Variants in SMPDL3A observed in about 807,000 individuals in gnomAD.
SMPDL3A encodes sphingomyelin phosphodiesterase acid like 3A.
SMPDL3A carries 39 observed loss-of-function variants against 38.5 expected under a neutral mutation model. The ratio of observed to expected loss-of-function variants is 1.01; its 90% CI spans 0.78 to 1.32. The LOEUF is 1.32. Ranked by LOEUF, SMPDL3A falls within the 40% of genes most tolerant of loss-of-function variation. The probability of loss-of-function intolerance (pLI) is 0.00; values close to 1 mark genes in which losing one functional copy is unlikely to be tolerated. For synonymous variants in SMPDL3A, 180 were observed against 194.3 expected (o/e 0.93, Z 0.61); for missense variants, 502 against 536.2 (o/e 0.94, Z 0.63).
Position 122,803,701 on chromosome 6 carries a change from C to T in SMPDL3A, c.606C>T (p.Asn202=), listed in dbSNP as rs753819668. The change falls in exon 5 of 8, where the codon AAC becomes AAT. Residue 202 remains asparagine, a synonymous_variant. Transcript: ENST00000368440. The stretch of plus-strand genomic sequence containing the variant: ...CACAGAAAGTTACAACTAATCCAAA[C>T]CTTAGGATCATCAGTCTAAACACAA... ...FYSQKVTTNP[N]LRIISLNTNL... is the part of the protein sequence containing the mutation. 6 of 1,613,584 alleles carry T rather than the reference C, an allele frequency of 3.7e-6. No homozygotes were observed. The highest frequency in any genetic ancestry group is 4.2e-6 in the Non-Finnish European group (5 of 1,179,778).
chr6:122,795,526 A>G lies in SMPDL3A; in HGVS notation c.113-151A>G, dbSNP rs1186072363. 4.8e-6 allele frequency: 3 copies of G among 623,684 alleles called. No homozygotes were observed. In the African/African-American group the frequency reaches 5.5e-5, roughly 12 times the overall value. The allele number at this position is 623,684 out of a possible 1,614,324, so 38.6% of individuals were successfully genotyped here. A position where few individuals can be genotyped will look rare whatever the true frequency, so the allele number is the denominator to read the frequency against. ...TCATCTTCTCACAGAGAAGGACTGT[A>G]TTTAACTTCGAGGCTTATGAACATT... On this transcript the variant is annotated intron_variant, in intron 1 of 7. Transcript: ENST00000368440.
chr6:122,793,477 T>G (rs1340878268), intron 1 of SMPDL3A, among the ~76,000 whole-genome samples: 2 of 152,236 alleles, frequency 1.3e-5, no homozygotes, highest in Non-Finnish European at 2.9e-5. Context: ...TACAAATACA[T>G]GTTCACGTTA....
intron 1 of SMPDL3A, among the ~76,000 whole-genome samples, chr6:122,791,597 A>G (rs764919778): frequency 9.9e-5 from 15 of 152,214 alleles, no homozygotes; most frequent in Non-Finnish European, 1.3e-4. Flanking sequence ...AATATTTTGG[A>G]TTAAAAGATT....
chr6:122,793,432 T>C (rs1371421709), intron 1 of SMPDL3A, among the ~76,000 whole-genome samples: 1 of 152,210 alleles, frequency 6.6e-6, no homozygotes, highest in Non-Finnish European at 1.5e-5. Context: ...TATTGTTTCA[T>C]GTTCATTTAC....
At chr6:122,805,183 T>C in intron 6 of SMPDL3A, 94 bp downstream of exon 6, 1 of 1,099,872 alleles carries the variant, frequency 9.1e-7, no homozygotes, top group Non-Finnish European at 1.3e-6. Context: ...AAATTAAACG[T>C]TTTATTTAAA....
rs1781055554 is a variant in SMPDL3A, at chr6:122,790,892, C to A, written c.112+1434C>A. ...TTCACACCTCCTGTTTGGGAAACTGCAAGGTTGAATCCCCTCCTACTAAAG... is the reference window on the plus strand; with the variant it reads ...TTCACACCTCCTGTTTGGGAAACTGAAAGGTTGAATCCCCTCCTACTAAAG... On this transcript the variant is annotated intron_variant, in intron 1 of 7. Transcript: ENST00000368440. 2.0e-5 allele frequency among the ~76,000 whole-genome samples: 3 copies of A among 152,228 alleles called. No individual in the cohort carries two copies. In the South Asian group the frequency reaches 6.2e-4, roughly 32 times the overall value.
rs780920668 is a variant in SMPDL3A at position 122,806,321 on chromosome 6, A to T, written c.1008A>T (p.Arg336Ser). The T allele has an allele frequency of 2.5e-5, 40 of 1,613,320 alleles. No individual in the cohort carries two copies. Among genetic ancestry groups the T allele is most frequent in the Non-Finnish European group, 3.2e-5 (38 of 1,179,594 alleles). Reference protein sequence around the residue: ...LEKQTNNPGIRLFQYDPRDYK... With the variant: ...LEKQTNNPGISLFQYDPRDYK... ...AACAGACCAACAATCCTGGTATCAG[A>T]CTGTTTCAGTATGATCCTCGTGATT... The change falls in exon 7 of 8, where the codon AGA becomes AGT. Residue 336 changes from arginine (R) to serine (S), a missense_variant. Transcript: ENST00000368440.
chr6:122,802,195 C>CTTTT (rs3031702), intron 4 of SMPDL3A, among the ~76,000 whole-genome samples: 10 of 123,560 alleles, frequency 8.1e-5, no homozygotes, highest in Non-Finnish European at 1.0e-4. Context: ...TATATCTAGT[C>CTTTT]TTTTTTTTTT....
chr6:122,808,645 CCCCTCCTCCCCCCTCCCTCCCT>C (rs1235105979), intron 7 of SMPDL3A, among the ~76,000 whole-genome samples: 2 of 49,066 alleles, frequency 4.1e-5, no homozygotes, highest in Non-Finnish European at 7.8e-5. Flanking sequence ...CTTCCTTCCC[CCCCTCCTCCCCCCTCCCTCCCT>C]CTCCTTCTTT....
In SMPDL3A at chr6:122,803,747, A is replaced by G. The variant is rs774745557; in HGVS notation, c.652A>G (p.Ile218Val). 2.5e-5 allele frequency: 40 copies of G among 1,614,034 alleles called. 1 individual carries two copies. The South Asian group carries it at 4.3e-4, about 17-fold the overall frequency. Residue 218 changes from isoleucine (I) to valine (V), a missense_variant, in exon 5 of 8, where the codon ATA becomes GTA. By Grantham distance (29) the Ile-to-Val change is conservative (BLOSUM62 3). Coordinates refer to ENST00000368440, the MANE Select transcript of SMPDL3A (RefSeq NM_006714.5). ...CACAAACTTGTACTACGGCCCAAAT[A>G]TAATGACACTGAACAAGACTGACCC... ...LNTNLYYGPN[I>V]MTLNKTDPAN...
chr6:122,794,384 T>C (rs1582537327), intron 1 of SMPDL3A, among the ~76,000 whole-genome samples: 2 of 152,092 alleles, frequency 1.3e-5, no homozygotes, highest in Middle Eastern at 3.4e-3. Context: ...CATCACGAGG[T>C]CAGGAAATCG....
At chr6:122,795,606 A>T in intron 1 of SMPDL3A, 71 bp from the exon 2 acceptor site, 1 of 1,162,624 alleles carries the variant, frequency 8.6e-7, no homozygotes. Flanking sequence ...TCTAGTCTTA[A>T]TATAAATATT....
Position 122,806,165 on chromosome 6 carries a change from C to T in SMPDL3A, c.920-68C>T, listed in dbSNP as rs556707870. 83 of 1,379,076 alleles carry T rather than the reference C, an allele frequency of 6.0e-5. No individual in the cohort carries two copies. In the African/African-American group the frequency reaches 9.3e-4, roughly 15 times the overall value. 85.4% of individuals were successfully genotyped at this position (1,379,076 alleles called of 1,614,324 possible). A position where few individuals can be genotyped will look rare whatever the true frequency, so the allele number is the denominator to read the frequency against. On this transcript the variant is annotated intron_variant, in intron 6 of 7. Coordinates refer to ENST00000368440, the MANE Select transcript of SMPDL3A (RefSeq NM_006714.5). ...GTCTGTTAATCTCTTAATCTGGAAA[C>T]TTTATATTTTTAATATAGTTAAACT...
chr6:122,805,019 T>C lies in SMPDL3A; in HGVS notation c.849T>C (p.Ser283=), dbSNP rs1414941135. Residue 283 remains serine (S), a synonymous_variant, in exon 6 of 8, where the codon AGT becomes AGC. Transcript: ENST00000368440. ...TGATAGATATTTTTCAAAAATACAG[T>C]GATGTCATTGCAGGACAATTTTATG... The part of the protein sequence containing the change: ...EKLIDIFQKY[S]DVIAGQFYGH... 4 of 1,613,254 alleles carry C rather than the reference T, an allele frequency of 2.5e-6. No homozygotes were observed.
rs745351601 is a variant in SMPDL3A at position 122,806,288 on chromosome 6, T to C, written c.975T>C (p.Val325=). 3 of 1,613,468 alleles carry C rather than the reference T, an allele frequency of 1.9e-6. No individual in the cohort carries two copies. In the East Asian group the frequency reaches 6.7e-5, roughly 36 times the overall value. Reference sequence around the variant, plus strand: ...CTGCTGTTACACCAGTGAAGAGTGTTTTAGAAAAACAGACCAACAATCCTG... The same window carrying C: ...CTGCTGTTACACCAGTGAAGAGTGTCTTAGAAAAACAGACCAACAATCCTG... ...VAPAVTPVKS[V]LEKQTNNPGI... The change falls in exon 7 of 8, where the codon GTT becomes GTC. Residue 325 remains valine, a synonymous_variant. Coordinates refer to ENST00000368440, the MANE Select transcript of SMPDL3A (RefSeq NM_006714.5).
At chr6:122,808,759 G>A (rs924126403) in intron 7 of SMPDL3A, among the ~76,000 whole-genome samples, 2 of 150,562 alleles carry the variant, frequency 1.3e-5, no homozygotes, top group African/African-American at 2.4e-5. Context: ...CCGGCTCACC[G>A]CAACCTCCGC....
intron 1 of SMPDL3A, among the ~76,000 whole-genome samples, chr6:122,791,767 C>T (rs1353670227): frequency 6.6e-6 from 1 of 152,170 alleles, no homozygotes; most frequent in Non-Finnish European, 1.5e-5. Flanking sequence ...AATCTCGGCT[C>T]ACTGCAAACT....
At chr6:122,796,532 A>G (rs1781252912) in intron 2 of SMPDL3A, among the ~76,000 whole-genome samples, 2 of 152,228 alleles carry the variant, frequency 1.3e-5, no homozygotes, top group African/African-American at 4.8e-5. Flanking sequence ...CTCTGGTTCA[A>G]TTGGCATCTG....
chr6:122,791,685 T>C (rs1342414160), intron 1 of SMPDL3A, among the ~76,000 whole-genome samples: 1 of 152,108 alleles, frequency 6.6e-6, no homozygotes, highest in East Asian at 1.9e-4. Context: ...TAAAAATTTA[T>C]TTTATTATTT....
Sources: gnomAD v4.1 joint callset for allele counts (sites outside exome capture counted in the v4.1 genomes callset) on GRCh38, gnomAD v4.1.1 for gene constraint, MANE v1.5 for transcripts, NCBI Gene and HGNC (gene_info 2026-07-23, HGNC 2026-07-21) for gene names.